Variants in EPC2 observed in about 807,000 individuals in gnomAD.
EPC2 encodes enhancer of polycomb 2.
EPC2 carries 14 observed loss-of-function variants against 92.1 expected under a neutral mutation model. The ratio of observed to expected loss-of-function variants is 0.15; its 90% CI spans 0.10 to 0.24. The LOEUF is 0.24. Among genes scored for constraint, EPC2 ranks in the 10% least tolerant of loss-of-function variants. The pLI is 1.00. For missense variants in EPC2, 755 were observed against 971.5 expected, an observed-to-expected ratio of 0.78 and a Z score of 2.96; for synonymous variants, 340 against 334.7, an observed-to-expected ratio of 1.02 and a Z score of -0.17.
At chr2:148,654,405 AT>A (rs905107432) in intron 1 of EPC2, among the ~76,000 whole-genome samples, 2 of 152,108 alleles carry the variant, frequency 1.3e-5, no homozygotes, top group African/African-American at 2.4e-5. Context: ...AGAGTTTCAC[AT>A]TTTTTCTCAT....
intron 1 of EPC2, among the ~76,000 whole-genome samples, chr2:148,660,986 A>G (rs1196345547): frequency 6.6e-6 from 1 of 151,998 alleles, no homozygotes; most frequent in Non-Finnish European, 1.5e-5. Flanking sequence ...TTATTTTTAT[A>G]TCTGGTAGAG....
At chr2:148,670,886 A>G (rs1434725016) in intron 1 of EPC2, among the ~76,000 whole-genome samples, 1 of 152,106 alleles carries the variant, frequency 6.6e-6, no homozygotes, top group Non-Finnish European at 1.5e-5. Flanking sequence ...AGACATCAGT[A>G]TGTTGCCCAG....
intron 2 of EPC2, among the ~76,000 whole-genome samples, chr2:148,711,563 T>C (rs1682143862): frequency 6.6e-6 from 1 of 152,210 alleles, no homozygotes; most frequent in African/African-American, 2.4e-5. Context: ...GCTCTTTTTG[T>C]ATGCAGCATT....
chr2:148,726,525 T>A (rs985863731), intron 2 of EPC2, among the ~76,000 whole-genome samples: 2 of 152,170 alleles, frequency 1.3e-5, no homozygotes, highest in Non-Finnish European at 2.9e-5. Flanking sequence ...TGATGTCTCA[T>A]TGTGGTTTTG....
chr2:148,762,004 TA>T, intron 5 of EPC2, 74 bp downstream of exon 5: 1 of 1,292,320 alleles, frequency 7.7e-7, no homozygotes, highest in Admixed American at 2.9e-5. Flanking sequence ...AAAAGATTTT[TA>T]GGGGGGAACA....
intron 2 of EPC2, among the ~76,000 whole-genome samples, chr2:148,727,757 T>C (rs1682526394): frequency 6.6e-6 from 1 of 152,238 alleles, no homozygotes; most frequent in South Asian, 2.1e-4. Context: ...GAGGGATCAC[T>C]GATCCAGAAT....
At chr2:148,746,167 AT>A (rs1457024197) in intron 3 of EPC2, among the ~76,000 whole-genome samples, 1 of 151,894 alleles carries the variant, frequency 6.6e-6, no homozygotes, top group East Asian at 1.9e-4. Context: ...TTTTTGTGTA[AT>A]ATCAGCTCAG....
At chr2:148,698,044 A>C (rs1420566066) in intron 2 of EPC2, among the ~76,000 whole-genome samples, 2 of 146,180 alleles carry the variant, frequency 1.4e-5, no homozygotes, top group Non-Finnish European at 3.0e-5. Flanking sequence ...GTTAACAAAC[A>C]AAAAAAAAAA....
rs555396141 is a variant in EPC2, at chr2:148,743,893, T to C, written c.459+126T>C. The C allele has an allele frequency of 8.9e-5, 65 of 726,620 alleles. No individual in the cohort carries two copies. The African/African-American group carries it at 1.0e-3, about 12-fold the overall frequency. 45.0% of individuals were successfully genotyped at this position (726,620 alleles called of 1,614,324 possible). A position where few individuals can be genotyped will look rare whatever the true frequency, so the allele number is the denominator to read the frequency against. Reference sequence around the variant, plus strand: ...TTCCTGACATCCTGGAATTTCTGTTTACAATGTTCCGTGAGTGGAGAGTAC... The same window carrying C: ...TTCCTGACATCCTGGAATTTCTGTTCACAATGTTCCGTGAGTGGAGAGTAC... On this transcript the variant is annotated intron_variant, in intron 3 of 13. Transcript: ENST00000258484.
intron 2 of EPC2, among the ~76,000 whole-genome samples, chr2:148,738,654 C>CTGAG (rs1682815574): frequency 6.6e-6 from 1 of 152,026 alleles, no homozygotes; most frequent in South Asian, 2.1e-4. Context: ...ATGATGGAGA[C>CTGAG]TGAGTATAGA....
chr2:148,752,006 A>C (rs1558829675), intron 3 of EPC2, among the ~76,000 whole-genome samples: 1 of 152,210 alleles, frequency 6.6e-6, no homozygotes, highest in Non-Finnish European at 1.5e-5. Flanking sequence ...ACAACACGGC[A>C]ATACACATTG....
At chr2:148,666,746 T>C (rs1479291662) in intron 1 of EPC2, among the ~76,000 whole-genome samples, 1 of 152,240 alleles carries the variant, frequency 6.6e-6, no homozygotes, top group Non-Finnish European at 1.5e-5. Flanking sequence ...GCCAGTTGTC[T>C]GGTTCCATCC....
At chr2:148,753,446 G>A (rs1330813776) in intron 3 of EPC2, among the ~76,000 whole-genome samples, 1 of 152,128 alleles carries the variant, frequency 6.6e-6, no homozygotes, top group East Asian at 1.9e-4. Flanking sequence ...TCCGAAAGAG[G>A]TATATTATAG....
intron 1 of EPC2, among the ~76,000 whole-genome samples, chr2:148,653,109 A>G (rs1455805714): frequency 6.6e-6 from 1 of 152,210 alleles, no homozygotes; most frequent in Non-Finnish European, 1.5e-5. Flanking sequence ...GAGGGAAGGT[A>G]TCATGTGTGT....
At chr2:148,667,368 A>G (rs991348774) in intron 1 of EPC2, among the ~76,000 whole-genome samples, 5 of 152,206 alleles carry the variant, frequency 3.3e-5, no homozygotes, top group Non-Finnish European at 7.4e-5. Flanking sequence ...GGAGATTGAA[A>G]TGGGATCTTT....
chr2:148,651,319 C>A (rs1680677227), intron 1 of EPC2, among the ~76,000 whole-genome samples: 1 of 152,164 alleles, frequency 6.6e-6, no homozygotes, highest in Non-Finnish European at 1.5e-5. Context: ...GAGGATAGCA[C>A]TCTGATGTTG....
At chr2:148,773,058 G>A (rs1683557414) in intron 10 of EPC2, among the ~76,000 whole-genome samples, 1 of 152,048 alleles carries the variant, frequency 6.6e-6, no homozygotes, top group African/African-American at 2.4e-5. Flanking sequence ...GATATTTGCA[G>A]CTTTCTCCTA....
At chr2:148,673,829 G>T (rs1681203393) in intron 1 of EPC2, among the ~76,000 whole-genome samples, 1 of 152,050 alleles carries the variant, frequency 6.6e-6, no homozygotes, top group South Asian at 2.1e-4. Context: ...CAAGTGATCT[G>T]CTGGCCTTGG....
rs978503025 is a variant in EPC2, at chr2:148,786,740, T to C, written c.*363T>C. ...TTTTAACTATTTATTTTGCCATGTT[T>C]ACATTTTGTATCTTGTAAAAATAAA... On this transcript the variant is annotated 3_prime_UTR_variant, in exon 14 of 14. Coordinates refer to ENST00000258484, the MANE Select transcript of EPC2 (RefSeq NM_015630.4). The C allele has an allele frequency of 6.4e-6, 1 of 157,148 alleles. No individual in the cohort carries two copies. Among genetic ancestry groups the C allele is most frequent in the African/African-American group, 2.4e-5 (1 of 41,646 alleles). 9.7% of individuals were successfully genotyped at this position (157,148 alleles called of 1,614,324 possible).
Sources: allele counts gnomAD v4.1 joint callset (sites outside exome capture counted in the v4.1 genomes callset), GRCh38; gene constraint gnomAD v4.1.1; transcripts MANE v1.5; gene names NCBI Gene and HGNC (gene_info 2026-07-23, HGNC 2026-07-21).